Variants in PNPLA6 observed in about 807,000 individuals in gnomAD.
PNPLA6 encodes the protein patatin-like phospholipase domain-containing protein 6.
Under a neutral mutation model 153.7 loss-of-function variants are expected in PNPLA6, and 105 were observed. That is an observed-to-expected ratio of 0.68 (90% CI 0.58 to 0.80). The LOEUF is 0.80. PNPLA6 is among the 30% of genes least tolerant of loss of function. The pLI is 0.00. For missense variants in PNPLA6, 1,423 were observed against 1,919.3 expected (o/e 0.74, Z 4.83); for synonymous variants, 825 against 822.2 (o/e 1.00, Z -0.06).
Position 7,539,848 on chromosome 19 carries a change from C to T in PNPLA6, c.414-70C>T, listed in dbSNP as rs902384846. The T allele has an allele frequency of 3.8e-5, 40 of 1,052,294 alleles. No individual in the cohort carries two copies. In the African/African-American group the frequency reaches 4.4e-4, roughly 12 times the overall value. 65.2% of individuals were successfully genotyped at this position (1,052,294 alleles called of 1,614,324 possible). A position where few individuals can be genotyped will look rare whatever the true frequency, so the allele number is the denominator to read the frequency against. ...CATGAGCCCTGGGGAAAGGGGTATGCGGGGGTCTTAGGTTTGCCTGAGCCT... is the reference window on the plus strand; with the variant it reads ...CATGAGCCCTGGGGAAAGGGGTATGTGGGGGTCTTAGGTTTGCCTGAGCCT... On this transcript the variant is annotated intron_variant, in intron 3 of 31. Coordinates refer to ENST00000600737, the MANE Select transcript of PNPLA6 (RefSeq NM_001166114.2).
At chr19:7,556,881 CG>C in intron 26 of PNPLA6, 157 bp downstream of exon 26, 1 of 715,598 alleles carries the variant, frequency 1.4e-6, no homozygotes, top group South Asian at 1.5e-5. Flanking sequence ...ACTAATGCCC[CG>C]GAGACCCCAG....
intron 27 of PNPLA6, among the ~76,000 whole-genome samples, chr19:7,557,783 CAAAA>C (rs1555751198): frequency 3.6e-5 from 4 of 110,600 alleles, no homozygotes; most frequent in Non-Finnish European, 5.2e-5. Context: ...GACTCAGTCT[CAAAA>C]AAAAAAAAAA....
At position 7,541,982 on chromosome 19, in the gene PNPLA6, AG is replaced by A; in HGVS notation, c.1171del. On this transcript the variant is annotated splice_acceptor_variant, in intron 9 of 31. Coordinates refer to ENST00000600737, the MANE Select transcript of PNPLA6 (RefSeq NM_001166114.2). LOFTEE classifies it high-confidence loss of function. This position sits in a 1 kb window ranked among gnomAD's most constrained non-coding sequence, Gnocchi z 5.2. ...AGGAGCCTGAACATGTGTCTCCCCC[AG>A]GGGACCCTGTGAAGCCCACATCCCT... The A allele has an allele frequency of 1.2e-6, 2 of 1,607,712 alleles. No individual in the cohort carries two copies.
chr19:7,546,870 T>C (rs1032610263), intron 13 of PNPLA6, among the ~76,000 whole-genome samples: 2 of 151,914 alleles, frequency 1.3e-5, no homozygotes, highest in Non-Finnish European at 2.9e-5. Flanking sequence ...CTTGGGTATA[T>C]ACCTAGGAGT....
chr19:7,544,320 C>T (rs969371453), intron 13 of PNPLA6, among the ~76,000 whole-genome samples: 6 of 151,278 alleles, frequency 4.0e-5, no homozygotes, highest in East Asian at 1.9e-4. Flanking sequence ...CCATGTTGGC[C>T]AGCCTTGTCT....
In PNPLA6 at chr19:7,540,124, C is replaced by T; in HGVS notation, c.555-25C>T. On this transcript the variant is annotated intron_variant, in intron 4 of 31. Transcript: ENST00000600737. The surrounding 1 kb of genome is among the most constrained non-coding windows in gnomAD (Gnocchi z 6.8). ...GTGGGGCCGCCCTGACCTCCAGCCT[C>T]TGTCGCCCACCGCCTGTCCAACAGG... The T allele has an allele frequency of 6.2e-7, 1 of 1,613,362 alleles. No individual in the cohort carries two copies.
chr19:7,557,322 C>A, intron 27 of PNPLA6, 38 bp downstream of exon 27: 1 of 1,255,456 alleles, frequency 8.0e-7, no homozygotes. Context: ...ACGCAAGCAC[C>A]TCCCGCACCA....
chr19:7,560,896 A>G, intron 29 of PNPLA6, 118 bp from the exon 30 acceptor site: 2 of 853,832 alleles, frequency 2.3e-6, no homozygotes, highest in South Asian at 2.8e-5. Context: ...ACCTCTGCTG[A>G]CTTCAGAGAG....
rs151191445 is a variant in PNPLA6, at chr19:7,539,535, A to G, written c.414-383A>G. ...GCCTTTGGGAGGCCGAGTCGGGCGG[A>G]TCACCTGAGGTCAGGAGTTCGAGAC... On this transcript the variant is annotated intron_variant, in intron 3 of 31. Transcript: ENST00000600737. Among the ~76,000 whole-genome samples, 18 of 151,130 alleles carry G rather than the reference A, an allele frequency of 1.2e-4. 1 individual carries two copies. The East Asian group carries it at 3.5e-3, about 29-fold the overall frequency.
rs2023167956 is a variant in PNPLA6 at position 7,541,983 on chromosome 19, G to C, written c.1169-1G>C. ...GGAGCCTGAACATGTGTCTCCCCCA[G>C]GGGACCCTGTGAAGCCCACATCCCT... On this transcript the variant is annotated splice_acceptor_variant, in intron 9 of 31. Transcript: ENST00000600737. LOFTEE classifies it high-confidence loss of function. This position sits in a 1 kb window ranked among gnomAD's most constrained non-coding sequence, Gnocchi z 5.2. 6.2e-7 allele frequency: 1 copy of C among 1,607,800 alleles called. No individual in the cohort carries two copies. Among genetic ancestry groups the C allele is most frequent in the East Asian group, 2.2e-5 (1 of 44,868 alleles).
Position 7,555,071 on chromosome 19 carries a change from A to G in PNPLA6, c.2813A>G (p.Lys938Arg). Residue 938 changes from lysine (K) to arginine (R), a missense_variant, in exon 22 of 32, where the codon AAG (lysine) becomes AGG (arginine). Physicochemically the swap from Lys to Arg is conservative, Grantham distance 26. Around this residue, in one of 10 missense-constraint regions of PNPLA6, gnomAD observed 643 missense variants for 835.2 expected, o/e 0.77. Coordinates refer to ENST00000600737, the MANE Select transcript of PNPLA6 (RefSeq NM_001166114.2). The surrounding 1 kb of genome is among the most constrained non-coding windows in gnomAD (Gnocchi z 6.3). ...RRLFSRRSPAKLHELYEKVFS... is the reference protein window; with the variant it reads ...RRLFSRRSPARLHELYEKVFS... ...CTCTTTTCGCGCCGCAGCCCTGCCA[A>G]GCTGGTGAGGAGCGGGCCGGCCCCC... 1 of 1,593,678 alleles carries G rather than the reference A, an allele frequency of 6.3e-7. No homozygotes were observed. The highest frequency in any genetic ancestry group is 1.1e-5 in the South Asian group (1 of 90,158).
intron 13 of PNPLA6, among the ~76,000 whole-genome samples, chr19:7,544,331 C>A (rs945219602): frequency 3.9e-5 from 6 of 152,122 alleles, no homozygotes; most frequent in Non-Finnish European, 8.8e-5. Flanking sequence ...AGCCTTGTCT[C>A]AAACTCCTGA....
At chr19:7,558,066 C>T (rs909560839) in intron 27 of PNPLA6, among the ~76,000 whole-genome samples, 1 of 152,198 alleles carries the variant, frequency 6.6e-6, no homozygotes, top group African/African-American at 2.4e-5. Context: ...CCAGTCTGTC[C>T]CGTTTGTCCT....
chr19:7,538,438 C>T (rs1011864407), intron 3 of PNPLA6, among the ~76,000 whole-genome samples: 1 of 152,174 alleles, frequency 6.6e-6, no homozygotes, highest in Non-Finnish European at 1.5e-5. Context: ...CCACCTCGGC[C>T]TCCCAAAGTG....
At chr19:7,554,476 G>A (rs751962032) in intron 20 of PNPLA6, 79 bp from the exon 21 acceptor site, 74 of 1,531,576 alleles carry the variant, frequency 4.8e-5, no homozygotes, top group Non-Finnish European at 6.2e-5. Context: ...GTTCCTCCCA[G>A]CAACGGAGCT....
chr19:7,556,365 A>C, intron 24 of PNPLA6, 88 bp from the exon 25 acceptor site: 1 of 839,550 alleles, frequency 1.2e-6, no homozygotes, highest in Admixed American at 1.7e-5. Context: ...CCTGGCCCCT[A>C]AGTGCTGCTT....
chr19:7,549,484 C>CCTT (rs72346034), intron 13 of PNPLA6, among the ~76,000 whole-genome samples: 1 of 47,020 alleles, frequency 2.1e-5, no homozygotes, highest in Non-Finnish European at 4.3e-5. Flanking sequence ...CCGCGCCTGG[C>CCTT]CTTCTTCTTC....
chr19:7,542,944 G>A lies in PNPLA6; in HGVS notation c.1530+16G>A. On this transcript the variant is annotated intron_variant, in intron 12 of 31. Transcript: ENST00000600737. ...GCGGATTGAGGTGGGCAGCCGAGGG[G>A]AGCTGGGCACAGGGCGCAAGGGAGG... 6.2e-7 allele frequency: 1 copy of A among 1,613,796 alleles called. No homozygotes were observed. The highest frequency in any genetic ancestry group is 8.5e-7 in the Non-Finnish European group (1 of 1,179,964).
At chr19:7,536,058 G>A in intron 1 of PNPLA6, 38 bp downstream of exon 1, 2 of 1,579,670 alleles carry the variant, frequency 1.3e-6, no homozygotes, top group South Asian at 1.1e-5. Flanking sequence ...AGGCTGTATG[G>A]TGGGGGGCCC....
Sources: gnomAD v4.1 joint callset for allele counts (sites outside exome capture counted in the v4.1 genomes callset) on GRCh38, gnomAD v4.1.1 for gene constraint, gnomAD v4.1.1 regional missense constraint, Gnocchi (gnomAD v3.1) non-coding constraint, MANE v1.5 for transcripts, NCBI Gene and HGNC (gene_info 2026-07-23, HGNC 2026-07-21) for gene names.